The following ANO3 variants were observed in gnomAD, a reference collection of about 807,000 sequenced individuals.
ANO3 encodes anoctamin 3, also known as anoctamin-3.
In ANO3, 99 loss-of-function variants were observed where a neutral mutation model predicts 144.8. The observed-to-expected ratio is 0.68, with a 90% confidence interval of 0.58 to 0.81. The LOEUF (loss-of-function observed/expected upper bound fraction) is 0.81. Among genes scored for constraint, ANO3 ranks in the 30% least tolerant of loss-of-function variants. The probability of loss-of-function intolerance (pLI) is 0.00; values close to 1 mark genes in which losing one functional copy is unlikely to be tolerated. For synonymous variants in ANO3, 414 were observed against 392.6 expected (o/e 1.05, Z -0.64); for missense variants, 905 against 1,202.2 (o/e 0.75, Z 3.66).
At chr11:26,401,118 A>G (rs1857136690) in intron 1 of ANO3, among the ~76,000 whole-genome samples, 1 of 152,050 alleles carries the variant, frequency 6.6e-6, no homozygotes, top group Non-Finnish European at 1.5e-5. Context: ...TCTAAAAGGG[A>G]GATTGAAAAA....
At position 26,512,372 on chromosome 11, in the gene ANO3, G is replaced by T. The variant is rs1158948702; in HGVS notation, c.591+4110G>T. ...GGGTGTTTTGTTCTCTGAGGAGCTT[G>T]CCTTCATCAGAGCTGAACAGAATAG... On this transcript the variant is annotated intron_variant, in intron 5 of 26. Coordinates refer to ENST00000256737, the MANE Select transcript of ANO3 (RefSeq NM_031418.4). Among the ~76,000 whole-genome samples, 4 of 152,156 alleles carry T rather than the reference G, an allele frequency of 2.6e-5. No homozygotes were observed. The East Asian group carries it at 5.8e-4, about 22-fold the overall frequency.
chr11:26,376,674 A>G (rs1247597806), intron 1 of ANO3, among the ~76,000 whole-genome samples: 4 of 152,130 alleles, frequency 2.6e-5, no homozygotes, highest in Non-Finnish European at 5.9e-5. Context: ...AAAAAGAATA[A>G]CAGTTTTGAA....
At chr11:26,333,529 G>A (rs557052848) in intron 1 of ANO3, among the ~76,000 whole-genome samples, 4 of 152,172 alleles carry the variant, frequency 2.6e-5, no homozygotes, top group South Asian at 2.1e-4. Context: ...TGATCCGCCC[G>A]CCTTAGCCTC....
chr11:26,204,602 A>G (rs1340525997), intron 1 of ANO3, among the ~76,000 whole-genome samples: 1 of 152,116 alleles, frequency 6.6e-6, no homozygotes, highest in Non-Finnish European at 1.5e-5. Flanking sequence ...TGAGAATCCC[A>G]TCCTCCTCCT....
At chr11:26,345,446 G>T (rs1564975135) in intron 1 of ANO3, among the ~76,000 whole-genome samples, 2 of 152,286 alleles carry the variant, frequency 1.3e-5, no homozygotes, top group Middle Eastern at 3.4e-3. Context: ...CCAGCTACCT[G>T]GGAGGCTGAG....
chr11:26,263,724 T>A (rs1242927180), intron 1 of ANO3, among the ~76,000 whole-genome samples: 1 of 152,224 alleles, frequency 6.6e-6, no homozygotes, highest in Non-Finnish European at 1.5e-5. Flanking sequence ...GAAAAGCCCA[T>A]GTTTTCTGAA....
chr11:26,375,809 A>G (rs1377231007), intron 1 of ANO3, among the ~76,000 whole-genome samples: 1 of 152,178 alleles, frequency 6.6e-6, no homozygotes, highest in East Asian at 1.9e-4. Flanking sequence ...GCTAGAGAAG[A>G]TAATATCATT....
At chr11:26,631,741 A>G (rs1852787634) in intron 18 of ANO3, among the ~76,000 whole-genome samples, 1 of 152,210 alleles carries the variant, frequency 6.6e-6, no homozygotes. Context: ...AGAGGCAAAG[A>G]GGAATACTGC....
intron 1 of ANO3, among the ~76,000 whole-genome samples, chr11:26,212,994 C>T (rs1226656273): frequency 3.3e-5 from 5 of 151,964 alleles, no homozygotes; most frequent in South Asian, 2.1e-4. Context: ...AATCAATAAA[C>T]GTAATCCATC....
At chr11:26,481,814 A>G (rs1174279656) in intron 4 of ANO3, among the ~76,000 whole-genome samples, 2 of 152,200 alleles carry the variant, frequency 1.3e-5, no homozygotes, top group African/African-American at 4.8e-5. Context: ...TAAGCAACAT[A>G]TAAAGAATAT....
chr11:26,527,908 T>C (rs1328712042), intron 7 of ANO3, among the ~76,000 whole-genome samples: 1 of 152,156 alleles, frequency 6.6e-6, no homozygotes, highest in African/African-American at 2.4e-5. Context: ...ACACACCCCA[T>C]GCCCTGCTTT....
intron 1 of ANO3, among the ~76,000 whole-genome samples, chr11:26,336,616 AG>A (rs981625192): frequency 2.0e-5 from 3 of 152,212 alleles, no homozygotes; most frequent in Non-Finnish European, 2.9e-5. Context: ...CAAATTACCT[AG>A]AAGGACAATC....
At chr11:26,221,253 G>C (rs189101874) in intron 1 of ANO3, among the ~76,000 whole-genome samples, 3 of 152,322 alleles carry the variant, frequency 2.0e-5, no homozygotes, top group African/African-American at 7.2e-5. Flanking sequence ...GGGCACTTCT[G>C]TCTGTCTTCC....
rs140776364 is a variant in ANO3, at chr11:26,215,416, T to G, written c.154+26086T>G. ...GCCACTGGGAGCTGTTTCAGTTGGC[T>G]CCGTTGTCCCTTTGAACTGCCACTA... On this transcript the variant is annotated intron_variant, in intron 1 of 27. Coordinates refer to the ANO3 transcript ENST00000672621. Among the ~76,000 whole-genome samples, 115 of 152,124 alleles carry G rather than the reference T, an allele frequency of 7.6e-4. 1 individual carries two copies. Among genetic ancestry groups the G allele is most frequent in the African/African-American group, 2.6e-3 (107 of 41,538 alleles).
chr11:26,528,499 A>G (rs1849222823), intron 7 of ANO3, among the ~76,000 whole-genome samples: 2 of 152,194 alleles, frequency 1.3e-5, no homozygotes, highest in Admixed American at 6.5e-5. Context: ...TTTAAAATTC[A>G]CATTTATACT....
Position 26,523,248 on chromosome 11 carries a change from C to G in ANO3, c.693-2387C>G, listed in dbSNP as rs1230482144. 2.6e-5 allele frequency among the ~76,000 whole-genome samples: 4 copies of G among 152,210 alleles called. No homozygotes were observed. The East Asian group carries it at 7.7e-4, about 29-fold the overall frequency. On this transcript the variant is annotated intron_variant, in intron 6 of 26. Coordinates refer to ENST00000256737, the MANE Select transcript of ANO3 (RefSeq NM_031418.4). ...CCCTCCTCAACACCTGGGGATTACA[C>G]TTCGAGATGAGATTTGGGTGGAAAC...
intron 14 of ANO3, among the ~76,000 whole-genome samples, chr11:26,578,421 T>C (rs988664589): frequency 6.6e-6 from 1 of 152,102 alleles, no homozygotes; most frequent in African/African-American, 2.4e-5. Context: ...ACATGGAAAG[T>C]GGGGTTTTAG....
Position 26,260,589 on chromosome 11 carries a change from C to T in ANO3, c.155-49056C>T, listed in dbSNP as rs529294244. 2.6e-5 allele frequency among the ~76,000 whole-genome samples: 4 copies of T among 152,180 alleles called. No individual in the cohort carries two copies. The South Asian group carries it at 8.3e-4, about 32-fold the overall frequency. Reference sequence around the variant, plus strand: ...ACACTTTAGAAGGGAACAATGAAAACAACCAGAAACTAGGGCAAGAAAAGA... The same window carrying T: ...ACACTTTAGAAGGGAACAATGAAAATAACCAGAAACTAGGGCAAGAAAAGA... On this transcript the variant is annotated intron_variant, in intron 1 of 27. Transcript: ENST00000672621.
chr11:26,357,587 A>G (rs1044148048), intron 1 of ANO3, among the ~76,000 whole-genome samples: 2 of 151,842 alleles, frequency 1.3e-5, no homozygotes, highest in African/African-American at 4.8e-5. Context: ...TATTATTGCT[A>G]CAAGTTGTTC....
Sources: gnomAD v4.1 joint callset for allele counts (sites outside exome capture counted in the v4.1 genomes callset) on GRCh38, gnomAD v4.1.1 for gene constraint, MANE v1.5 for transcripts, NCBI Gene and HGNC (gene_info 2026-07-23, HGNC 2026-07-21) for gene names.